Variants in FXYD6 observed in about 807,000 individuals in gnomAD.
FXYD6 encodes FXYD domain containing ion transport regulator 6.
FXYD6 carries 7 observed loss-of-function variants against 16.7 expected under a neutral mutation model. The observed-to-expected ratio is 0.42, with a 90% CI of 0.24 to 0.79. FXYD6 has a LOEUF of 0.79. FXYD6 is among the 30% of genes least tolerant of loss of function. The pLI is 0.28. For synonymous variants in FXYD6, 49 were observed against 43.0 expected, an observed-to-expected ratio of 1.14 and a Z score of -0.54; for missense variants, 111 against 116.2, an observed-to-expected ratio of 0.95 and a Z score of 0.21.
intron 7 of FXYD6, 42 bp from the exon 8 acceptor site, chr11:117,838,319 C>CT: frequency 1.1e-5 from 8 of 702,402 alleles, no homozygotes; most frequent in Non-Finnish European, 2.1e-5. Flanking sequence ...CTTCGGCTGC[C>CT]TCTGGTATCC....
chr11:117,859,624 G>A (rs910754174), intron 1 of FXYD6, among the ~76,000 whole-genome samples: 1 of 152,088 alleles, frequency 6.6e-6, no homozygotes, highest in Admixed American at 6.6e-5. Context: ...GTGCACCTGT[G>A]GCCCTTTCAT....
intron 1 of FXYD6, among the ~76,000 whole-genome samples, chr11:117,871,156 A>G (rs1211030566): frequency 1.3e-5 from 2 of 152,138 alleles, no homozygotes; most frequent in African/African-American, 4.8e-5. Flanking sequence ...GCTTTTAAGC[A>G]TCTCTCAGAC....
intron 1 of FXYD6, among the ~76,000 whole-genome samples, chr11:117,858,995 C>T (rs1405403634): frequency 3.3e-5 from 5 of 152,032 alleles, no homozygotes; most frequent in African/African-American, 1.2e-4. Flanking sequence ...AGGGTGGTCT[C>T]CAACTCCTGA....
chr11:117,862,506 C>G (rs576374301), intron 1 of FXYD6, among the ~76,000 whole-genome samples: 1 of 152,326 alleles, frequency 6.6e-6, no homozygotes, highest in Non-Finnish European at 1.5e-5. Flanking sequence ...GCTACAGGGC[C>G]GCTGCCCAGA....
At chr11:117,842,077 T>C in intron 2 of FXYD6, 49 bp from the exon 3 acceptor site, 1 of 1,613,486 alleles carries the variant, frequency 6.2e-7, no homozygotes, top group Non-Finnish European at 8.5e-7. Flanking sequence ...CACAAACTGG[T>C]TCCCAAATAT....
intron 1 of FXYD6, among the ~76,000 whole-genome samples, chr11:117,850,303 T>C (rs958356979): frequency 2.0e-5 from 3 of 151,474 alleles, no homozygotes; most frequent in Non-Finnish European, 4.4e-5. Flanking sequence ...GACCTGAAGC[T>C]GGCCGATAAC....
chr11:117,839,916 C>G (rs2134130535), intron 6 of FXYD6, 86 bp from the exon 7 acceptor site: 1 of 1,560,874 alleles, frequency 6.4e-7, no homozygotes, highest in East Asian at 2.2e-5. Context: ...CTCTGCCTGA[C>G]TCTGGGGGAG....
intron 5 of FXYD6, 130 bp downstream of exon 5, chr11:117,841,018 G>A (rs1022722774): frequency 8.7e-5 from 105 of 1,208,476 alleles, no homozygotes; most frequent in Non-Finnish European, 2.1e-5. Flanking sequence ...CCAGCCCTAC[G>A]TCCCAACACA....
intron 7 of FXYD6, chr11:117,838,574 GA>G (rs929392342): frequency 2.2e-3 from 757 of 348,644 alleles, no homozygotes; most frequent in South Asian, 3.3e-3. Flanking sequence ...ACTAGTTTGG[GA>G]AAAAAAAAAT....
At chr11:117,851,410 A>C (rs755357051) in intron 1 of FXYD6, among the ~76,000 whole-genome samples, 15 of 152,232 alleles carry the variant, frequency 9.9e-5, no homozygotes, top group Non-Finnish European at 1.5e-4. Flanking sequence ...GCCTGCTAAG[A>C]AATACAGCCT....
intron 7 of FXYD6, chr11:117,838,651 TAGAC>T (rs1464845878): frequency 1.6e-5 from 4 of 244,254 alleles, no homozygotes; most frequent in African/African-American, 4.4e-5. Flanking sequence ...TGTGATGAAA[TAGAC>T]AGAACACCAA....
chr11:117,849,843 T>C (rs1472037210), intron 1 of FXYD6, among the ~76,000 whole-genome samples: 1 of 152,198 alleles, frequency 6.6e-6, no homozygotes, highest in African/African-American at 2.4e-5. Flanking sequence ...GTCACCCTGG[T>C]AATGGTTACT....
At chr11:117,857,896 T>A (rs768495888) in intron 1 of FXYD6, among the ~76,000 whole-genome samples, 4 of 152,156 alleles carry the variant, frequency 2.6e-5, no homozygotes, top group Admixed American at 6.5e-5. Context: ...AATATCAGCC[T>A]TACCATCAGT....
chr11:117,861,836 G>A (rs1232053877), intron 1 of FXYD6, among the ~76,000 whole-genome samples: 1 of 152,224 alleles, frequency 6.6e-6, no homozygotes, highest in Non-Finnish European at 1.5e-5. Flanking sequence ...GGATGTGGAG[G>A]GGCCTCGGCC....
At chr11:117,860,204 T>C (rs1379954323) in intron 1 of FXYD6, among the ~76,000 whole-genome samples, 1 of 151,894 alleles carries the variant, frequency 6.6e-6, no homozygotes, top group Admixed American at 6.6e-5. Flanking sequence ...AGCCCCAAAC[T>C]CCAGCCCTTG....
rs1040107141 is a variant in FXYD6 at position 117,842,196 on chromosome 11, G to C, written c.59-168C>G. 5.0e-5 allele frequency: 49 copies of C among 984,046 alleles called. No individual in the cohort carries two copies. The African/African-American group carries it at 7.2e-4, about 14-fold the overall frequency. 61.0% of individuals were successfully genotyped at this position (984,046 alleles called of 1,614,324 possible). On this transcript the variant is annotated intron_variant, in intron 2 of 7. Transcript: ENST00000526014. Reference sequence around the variant, plus strand: ...CGGTAGGGCGGGCCTGCCAGTTAGGGGGTTAGGGGAACCCTAAGGGCCGAG... The same window carrying C: ...CGGTAGGGCGGGCCTGCCAGTTAGGCGGTTAGGGGAACCCTAAGGGCCGAG...
intron 1 of FXYD6, among the ~76,000 whole-genome samples, chr11:117,854,381 C>G (rs1280681682): frequency 6.6e-6 from 1 of 152,204 alleles, no homozygotes; most frequent in Non-Finnish European, 1.5e-5. Flanking sequence ...GGCTCTGGGC[C>G]ACCAGGGACA....
chr11:117,842,938 CTT>C (rs149530999), intron 1 of FXYD6, among the ~76,000 whole-genome samples, 157 bp from the exon 2 acceptor site: 1 of 147,026 alleles, frequency 6.8e-6, no homozygotes, highest in African/African-American at 2.5e-5. Flanking sequence ...AAGCAGTTGA[CTT>C]TTTTTTTTTT....
In FXYD6 at chr11:117,839,817, C is replaced by T; in HGVS notation, c.273G>A (p.Gln91=). The T allele has an allele frequency of 6.2e-7, 1 of 1,614,206 alleles. No homozygotes were observed. Among genetic ancestry groups the T allele is most frequent in the East Asian group, 2.2e-5 (1 of 44,888 alleles). ...NLITANATEP[Q]KAEN ...TGGCTGCACTTCAGTTCTCTGCTTT[C>T]TGGGGCTCTGTTGCTGGAAAGAAAA... is the stretch of plus-strand genomic sequence containing the variant. The change falls in exon 7 of 8, where the codon CAG becomes CAA. Residue 91 remains glutamine (Q), a synonymous_variant. Coordinates refer to ENST00000526014, the MANE Select transcript of FXYD6 (RefSeq NM_022003.4).
Sources: gnomAD v4.1 joint callset for allele counts (sites outside exome capture counted in the v4.1 genomes callset) on GRCh38, gnomAD v4.1.1 for gene constraint, MANE v1.5 for transcripts, NCBI Gene and HGNC (gene_info 2026-07-23, HGNC 2026-07-21) for gene names.